SLC7A2: variants seen among roughly 807,000 people sequenced by gnomAD.
SLC7A2 encodes the protein cationic amino acid transporter 2.
SLC7A2 carries 48 observed loss-of-function variants against 58.9 expected under a neutral mutation model. The ratio of observed to expected loss-of-function variants is 0.82; its 90% CI spans 0.65 to 1.04. The LOEUF is 1.04. Ranked by LOEUF, SLC7A2 falls within the 50% of genes least tolerant of loss-of-function variation. The pLI is 0.00. For missense variants in SLC7A2, 1,029 were observed against 818.8 expected, an observed-to-expected ratio of 1.26 and a Z score of -3.13; for synonymous variants, 363 against 314.5, an observed-to-expected ratio of 1.15 and a Z score of -1.63.
intron 2 of SLC7A2, among the ~76,000 whole-genome samples, chr8:17,515,976 A>G (rs1419633270): frequency 6.6e-6 from 1 of 152,062 alleles, no homozygotes; most frequent in Non-Finnish European, 1.5e-5. Context: ...GATATCCTTT[A>G]TTAGTAGTTC....
intron 1 of SLC7A2, chr8:17,500,533 T>C (rs1242030929): frequency 6.6e-6 from 1 of 152,172 alleles, no homozygotes; most frequent in Non-Finnish European, 1.5e-5. Flanking sequence ...ATTGGGTTAA[T>C]AGGTGCAGCA....
At chr8:17,494,593 C>A (rs1164620186), upstream of SLC7A2, among the ~76,000 whole-genome samples, 1 of 152,150 alleles carries the variant, frequency 6.6e-6, no homozygotes, top group African/African-American at 2.4e-5. Context: ...AAGAGCTTAA[C>A]CTGTTTCAAA....
chr8:17,516,641 C>T (rs998493781), intron 2 of SLC7A2, among the ~76,000 whole-genome samples: 3 of 152,202 alleles, frequency 2.0e-5, no homozygotes, highest in Non-Finnish European at 4.4e-5. Flanking sequence ...CTCTTTGGGC[C>T]ACAGCTGTAC....
upstream of SLC7A2, among the ~76,000 whole-genome samples, chr8:17,495,329 C>G (rs1159955665): frequency 1.3e-5 from 2 of 152,106 alleles, no homozygotes; most frequent in African/African-American, 2.4e-5. Context: ...AGTCATCGCT[C>G]CCTTGAACAA....
At chr8:17,538,826 T>G in intron 2 of SLC7A2, 1 of 1,613,700 alleles carries the variant, frequency 6.2e-7, no homozygotes, top group Non-Finnish European at 8.5e-7. Context: ...GCAACTGGAA[T>G]GAAGATAGAA....
At position 17,562,454 on chromosome 8, in the gene SLC7A2, C is replaced by A. The variant is rs142179361; in HGVS notation, c.1671+344C>A. On this transcript the variant is annotated intron_variant, in intron 11 of 12. Transcript: ENST00000494857. Reference sequence around the variant, plus strand: ...TCCTGACCTCAAATAATCCACCCACCTCTGCCTCCAAAAGTGCTGGGATTA... The same window carrying A: ...TCCTGACCTCAAATAATCCACCCACATCTGCCTCCAAAAGTGCTGGGATTA... 4.3e-4 allele frequency among the ~76,000 whole-genome samples: 66 copies of A among 152,102 alleles called. 1 individual carries two copies. In the East Asian group the frequency reaches 0.013, roughly 29 times the overall value.
chr8:17,513,094 C>T (rs1800669810), intron 2 of SLC7A2, among the ~76,000 whole-genome samples: 1 of 152,224 alleles, frequency 6.6e-6, no homozygotes, highest in Non-Finnish European at 1.5e-5. Context: ...TGATTGCTTT[C>T]ATGAACGATG....
intron 2 of SLC7A2, among the ~76,000 whole-genome samples, chr8:17,514,612 A>G (rs1557599): frequency 0.51 from 76,887 of 151,988 alleles, 21,296 homozygotes; most frequent in Non-Finnish European, 0.62. Context: ...CAGAAACTCA[A>G]TTTTGCTTGG....
chr8:17,549,784 T>G (rs1006909553), intron 5 of SLC7A2, among the ~76,000 whole-genome samples: 1 of 152,224 alleles, frequency 6.6e-6, no homozygotes, highest in Non-Finnish European at 1.5e-5. Context: ...CCTATAAACT[T>G]ACATAGTTTT....
chr8:17,530,496 G>C (rs540539510), intron 2 of SLC7A2, among the ~76,000 whole-genome samples: 1 of 152,162 alleles, frequency 6.6e-6, no homozygotes, highest in South Asian at 2.1e-4. Flanking sequence ...AGGTCACAGA[G>C]GGATGGTTTG....
intron 4 of SLC7A2, among the ~76,000 whole-genome samples, chr8:17,548,027 T>C (rs190388629): frequency 4.3e-4 from 66 of 152,334 alleles, no homozygotes; most frequent in Non-Finnish European, 6.5e-4. Context: ...ACAAATGTTT[T>C]AGCGTTTACT....
chr8:17,499,274 C>G (rs980515455), intron 1 of SLC7A2: 3 of 151,650 alleles, frequency 2.0e-5, no homozygotes, highest in Admixed American at 1.3e-4. Flanking sequence ...CCCTCTCTCC[C>G]TCCCTCTCTA....
chr8:17,533,016 T>G (rs2588228), intron 2 of SLC7A2, among the ~76,000 whole-genome samples: 90,346 of 151,984 alleles, frequency 0.59, 27,909 homozygotes, highest in Non-Finnish European at 0.68. Flanking sequence ...TAAGGACCAC[T>G]TTATTTCCAG....
chr8:17,549,137 C>T (rs1402125007), intron 5 of SLC7A2, among the ~76,000 whole-genome samples: 2 of 152,246 alleles, frequency 1.3e-5, no homozygotes, highest in South Asian at 2.1e-4. Context: ...ATCACAAGAA[C>T]AGCACAGGAA....
intron 7 of SLC7A2, among the ~76,000 whole-genome samples, chr8:17,553,775 C>A (rs557840212): frequency 3.9e-5 from 6 of 151,914 alleles, no homozygotes; most frequent in Non-Finnish European, 7.4e-5. Flanking sequence ...GAGTCCCTGT[C>A]GCAAATAAAA....
intron 2 of SLC7A2, among the ~76,000 whole-genome samples, chr8:17,522,922 C>A (rs1002499455): frequency 6.6e-6 from 1 of 152,028 alleles, no homozygotes; most frequent in African/African-American, 2.4e-5. Flanking sequence ...CGTATCCCAG[C>A]TACTTGGGAG....
intron 2 of SLC7A2, among the ~76,000 whole-genome samples, chr8:17,541,049 C>G (rs929070460): frequency 6.6e-6 from 1 of 152,102 alleles, no homozygotes; most frequent in African/African-American, 2.4e-5. Context: ...GTCTCATTTT[C>G]AAGTGATCTT....
chr8:17,545,411 T>C (rs1036251169), intron 4 of SLC7A2, among the ~76,000 whole-genome samples: 6 of 140,282 alleles, frequency 4.3e-5, no homozygotes, highest in African/African-American at 1.3e-4. Context: ...TTCTTTTTTT[T>C]TTTTTTTTTT....
At chr8:17,561,868 G>C (rs150945884) in intron 10 of SLC7A2, 76 bp from the exon 11 acceptor site, 21 of 1,384,018 alleles carry the variant, frequency 1.5e-5, no homozygotes, top group Admixed American at 3.6e-5. Context: ...TGTTTTATCA[G>C]AATATGCTGT....
Sources: allele counts gnomAD v4.1 joint callset (sites outside exome capture counted in the v4.1 genomes callset), GRCh38; gene constraint gnomAD v4.1.1; transcripts MANE v1.5; gene names NCBI Gene and HGNC (gene_info 2026-07-23, HGNC 2026-07-21).